FLNC: variants seen among roughly 807,000 people sequenced by gnomAD.
FLNC encodes filamin C.
In FLNC, 91 loss-of-function variants were observed where a neutral mutation model predicts 254.3. The ratio of observed to expected loss-of-function variants is 0.36; its 90% CI spans 0.30 to 0.43. The LOEUF is 0.43. Ranked by LOEUF, FLNC falls within the 20% of genes least tolerant of loss-of-function variation. The pLI, the probability that FLNC is intolerant of heterozygous loss-of-function variation, is 1.00. For synonymous variants in FLNC, 1,430 were observed against 1,577.2 expected (o/e 0.91, Z 2.21); for missense variants, 2,853 against 3,802.6 (o/e 0.75, Z 6.57).
chr7:128,842,103 A>T lies in FLNC; in HGVS notation c.2122-128A>T. On this transcript the variant is annotated intron_variant, in intron 13 of 47. Coordinates refer to ENST00000325888, the MANE Select transcript of FLNC (RefSeq NM_001458.5). The surrounding 1 kb of genome is among the most constrained non-coding windows in gnomAD (Gnocchi z 5.4). ...CGTGGCCCTGGGCTCTGGTGGCCTCAGTGGCTGGTGTGGGGGCGGGAGTGC... is the reference window on the plus strand; with the variant it reads ...CGTGGCCCTGGGCTCTGGTGGCCTCTGTGGCTGGTGTGGGGGCGGGAGTGC... 1 of 967,552 alleles carries T rather than the reference A, an allele frequency of 1.0e-6. No homozygotes were observed. Among genetic ancestry groups the T allele is most frequent in the Non-Finnish European group, 1.6e-6 (1 of 633,274 alleles). 59.9% of individuals were successfully genotyped at this position (967,552 alleles called of 1,614,324 possible).
Position 128,835,696 on chromosome 7 carries a change from C to G in FLNC, c.601+122C>G, listed in dbSNP as rs970574300. ...CCCTGGGGCCTGGGGGCCAGGATCC[C>G]CTGCAGGGTTTGTCCTCCTCCAGCT... On this transcript the variant is annotated intron_variant, in intron 2 of 47. Transcript: ENST00000325888. This position sits in a 1 kb window ranked among gnomAD's most constrained non-coding sequence, Gnocchi z 5.3. 8.7e-7 allele frequency: 1 copy of G among 1,147,760 alleles called. No individual in the cohort carries two copies. Among genetic ancestry groups the G allele is most frequent in the Non-Finnish European group, 1.3e-6 (1 of 794,434 alleles). 71.1% of individuals were successfully genotyped at this position (1,147,760 alleles called of 1,614,324 possible).
Position 128,851,507 on chromosome 7 carries a change from G to A in FLNC, c.5721G>A (p.Lys1907=). 1.2e-6 allele frequency: 2 copies of A among 1,614,038 alleles called. No individual in the cohort carries two copies. Among genetic ancestry groups the A allele is most frequent in the South Asian group, 1.1e-5 (1 of 91,086 alleles). Residue 1907 remains lysine, a synonymous_variant, in exon 35 of 48, where the codon AAG becomes AAA. Transcript: ENST00000325888. ...CATCCAAGGCAGAGATCACCTGTAA[G>A]GACAACAAGGATGGCACCTGCACCG... The part of the protein sequence containing the change: ...EGPSKAEITC[K]DNKDGTCTVS...
At chr7:128,838,926 C>A in intron 8 of FLNC, 123 bp downstream of exon 8, 1 of 844,534 alleles carries the variant, frequency 1.2e-6, no homozygotes, top group Non-Finnish European at 1.9e-6. Flanking sequence ...CATCCCACCC[C>A]CAAGGTGGCT....
chr7:128,857,214 G>A lies in FLNC; in HGVS notation c.7658G>A (p.Arg2553Gln), dbSNP rs375213102. Reference protein sequence around the residue: ...DGPSKVQLDCRECPEGHVVTY... With the variant: ...DGPSKVQLDCQECPEGHVVTY... ...CCCTCCAAGGTGCAGCTGGACTGTCGGGAGTGTCCTGAGGGCCATGTGGTC... is the reference window on the plus strand; with the variant it reads ...CCCTCCAAGGTGCAGCTGGACTGTCAGGAGTGTCCTGAGGGCCATGTGGTC... The change falls in exon 46 of 48, where the codon CGG becomes CAG. Residue 2553 changes from arginine to glutamine, a missense_variant. By Grantham distance (43) the Arg-to-Gln change is conservative. Around this residue, in one of 10 missense-constraint regions of FLNC, gnomAD observed 197 missense variants for 351.5 expected, o/e 0.56. Coordinates refer to ENST00000325888, the MANE Select transcript of FLNC (RefSeq NM_001458.5). The surrounding 1 kb of genome is among the most constrained non-coding windows in gnomAD (Gnocchi z 4.5). 19 of 1,613,914 alleles carry A rather than the reference G, an allele frequency of 1.2e-5. No individual in the cohort carries two copies. The highest frequency in any genetic ancestry group is 6.7e-5 in the East Asian group (3 of 44,892).
chr7:128,850,764 G>C, intron 32 of FLNC, 39 bp from the exon 33 acceptor site: 1 of 1,613,228 alleles, frequency 6.2e-7, no homozygotes, highest in Non-Finnish European at 8.5e-7. Flanking sequence ...TTGCAGTGGG[G>C]GAAACCAGGG....
chr7:128,839,910 CG>C lies in FLNC; in HGVS notation c.1412-112del. 2 of 1,368,328 alleles carry C rather than the reference CG, an allele frequency of 1.5e-6. 1 individual carries two copies. Among genetic ancestry groups the C allele is most frequent in the South Asian group, 2.4e-5 (2 of 82,904 alleles). The allele number at this position is 1,368,328 out of a possible 1,614,324, so 84.8% of individuals were successfully genotyped here. A position where few individuals can be genotyped will look rare whatever the true frequency, so the allele number is the denominator to read the frequency against. On this transcript the variant is annotated intron_variant, in intron 8 of 47. Transcript: ENST00000325888. Reference sequence around the variant, plus strand: ...GACACAAAGGGCTCCAGAGCAGGGCCGTGGGCCACTGCCTGTGCCTGGGAGG... The same window carrying C: ...GACACAAAGGGCTCCAGAGCAGGGCCTGGGCCACTGCCTGTGCCTGGGAGG...
In FLNC at chr7:128,850,010, C is replaced by A; in HGVS notation, c.5234C>A (p.Ser1745Tyr). The A allele has an allele frequency of 2.5e-6, 4 of 1,579,264 alleles. No homozygotes were observed. Among genetic ancestry groups the A allele is most frequent in the Non-Finnish European group, 3.4e-6 (4 of 1,168,468 alleles). The change falls in exon 31 of 48, where the codon TCT (serine) becomes TAT (tyrosine). Residue 1745 changes from serine to tyrosine, a missense_variant. Ser to Tyr is a moderately radical substitution (Grantham distance 144, BLOSUM62 -2). Transcript: ENST00000325888. ...CDPLPHEEEP[S>Y]EVPQLRQPYA... Reference sequence around the variant, plus strand: ...CCCCTGCCGCACGAGGAGGAGCCCTCTGAAGTGCCACAGCTGCGCCAGCCC... The same window carrying A: ...CCCCTGCCGCACGAGGAGGAGCCCTATGAAGTGCCACAGCTGCGCCAGCCC...
At chr7:128,831,045 C>CA (rs896079220) in intron 1 of FLNC, 56 bp downstream of exon 1, 1 of 1,541,252 alleles carries the variant, frequency 6.5e-7, no homozygotes, top group Non-Finnish European at 8.8e-7. Flanking sequence ...TCCCATGGGG[C>CA]AGGGGCACAG....
At chr7:128,854,735 G>A in intron 41 of FLNC, 40 bp from the exon 42 acceptor site, 8 of 1,613,396 alleles carry the variant, frequency 5.0e-6, no homozygotes, top group Non-Finnish European at 6.8e-6. Context: ...CCAGTGTGAG[G>A]GGCGATGATG....
chr7:128,838,425 T>G lies in FLNC; in HGVS notation c.1206T>G (p.Thr402=), dbSNP rs757898362. 3.2e-6 allele frequency: 5 copies of G among 1,572,076 alleles called. No homozygotes were observed. Among genetic ancestry groups the G allele is most frequent in the Admixed American group, 3.4e-5 (2 of 58,346 alleles). ...AACCCACCTACTTTGACATCTACAC[T>G]GCGGGTAGGACGGGCCCCAGGGGGT... ...ANKPTYFDIY[T]AGAGTGDVAV... Residue 402 remains threonine, a synonymous_variant, in exon 7 of 48, where the codon ACT becomes ACG. Coordinates refer to ENST00000325888, the MANE Select transcript of FLNC (RefSeq NM_001458.5).
At position 128,858,576 on chromosome 7, in the gene FLNC, T is replaced by TACACAC. The variant is rs60473969; in HGVS notation, c.*71_*76dup. 1,427 of 999,060 alleles carry TACACAC rather than the reference T, an allele frequency of 1.4e-3. 10 individuals carry two copies. In the African/African-American group the frequency reaches 0.021, roughly 15 times the overall value. The allele number at this position is 999,060 out of a possible 1,614,324, so 61.9% of individuals were successfully genotyped here. A position where few individuals can be genotyped will look rare whatever the true frequency, so the allele number is the denominator to read the frequency against. On this transcript the variant is annotated 3_prime_UTR_variant, in exon 48 of 48. Transcript: ENST00000325888. This position sits in a 1 kb window ranked among gnomAD's most constrained non-coding sequence, Gnocchi z 6.7. ...CCCCCACCTCCAGCCACACACACATTACACACACACACACACACACACAAA... is the reference window on the plus strand; with the variant it reads ...CCCCCACCTCCAGCCACACACACATTACACACACACACACACACACACACACACAAA...
rs767691386 is a variant in FLNC, at chr7:128,854,459, G to C, written c.6774G>C (p.Ser2258=). The change falls in exon 41 of 48, where the codon TCG becomes TCC. Residue 2258 remains serine (S), a synonymous_variant. Transcript: ENST00000325888. Reference sequence around the variant, plus strand: ...TGACTGCACAGGTGACCAGCCCATCGGGCAAGGTGGAAGCCGCAGAGATCG... The same window carrying C: ...TGACTGCACAGGTGACCAGCCCATCCGGCAAGGTGGAAGCCGCAGAGATCG... ...QDMTAQVTSP[S]GKVEAAEIVE... 1.2e-6 allele frequency: 2 copies of C among 1,609,234 alleles called. No individual in the cohort carries two copies. Among genetic ancestry groups the C allele is most frequent in the Non-Finnish European group, 1.7e-6 (2 of 1,178,412 alleles).
intron 37 of FLNC, 84 bp downstream of exon 37, chr7:128,853,115 C>G: frequency 4.5e-6 from 6 of 1,333,976 alleles, no homozygotes; most frequent in Non-Finnish European, 6.4e-6. Context: ...CCCCCTTGGC[C>G]GCACTCTCTC....
chr7:128,848,846 G>A lies in FLNC; in HGVS notation c.4791G>A (p.Thr1597=), dbSNP rs374180766. 12 of 1,614,116 alleles carry A rather than the reference G, an allele frequency of 7.4e-6. No individual in the cohort carries two copies. The highest frequency in any genetic ancestry group is 9.3e-6 in the Non-Finnish European group (11 of 1,180,018). The change falls in exon 28 of 48, where the codon ACG becomes ACA. Residue 1597 remains threonine (T), a synonymous_variant. Coordinates refer to ENST00000325888, the MANE Select transcript of FLNC (RefSeq NM_001458.5). The part of the protein sequence containing the change: ...KANIRDNGDG[T]YTVSYLPDMS... Reference sequence around the variant, plus strand: ...ACATCCGGGACAATGGGGATGGCACGTACACTGTGTCCTACCTGCCGGACA... The same window carrying A: ...ACATCCGGGACAATGGGGATGGCACATACACTGTGTCCTACCTGCCGGACA...
intron 37 of FLNC, chr7:128,853,247 C>G (rs1808900439): frequency 4.3e-6 from 3 of 705,552 alleles, no homozygotes; most frequent in Non-Finnish European, 7.3e-6. Flanking sequence ...TCCTGAGTTT[C>G]TGTCCCTCCC....
In FLNC at chr7:128,840,683, C is replaced by G. The variant is rs568005957; in HGVS notation, c.1676+9C>G. ...TACGCCATCCCTCGCAGGTGAGTAC[C>G]TTGCGCCCCCCATGCTGTCCTGTCT... On this transcript the variant is annotated intron_variant, in intron 10 of 47. Transcript: ENST00000325888. 3.1e-6 allele frequency: 5 copies of G among 1,612,878 alleles called. No homozygotes were observed. The highest frequency in any genetic ancestry group is 2.2e-5 in the South Asian group (2 of 91,056).
intron 6 of FLNC, 60 bp from the exon 7 acceptor site, chr7:128,838,207 C>T (rs889317022): frequency 1.9e-6 from 3 of 1,572,590 alleles, no homozygotes; most frequent in East Asian, 2.2e-5. Flanking sequence ...GGCTGTGCCC[C>T]TCTGCCCCCT....
chr7:128,854,256 G>C (rs372436768), intron 40 of FLNC, 40 bp downstream of exon 40: 4 of 1,603,988 alleles, frequency 2.5e-6, no homozygotes, highest in African/African-American at 1.3e-5. Flanking sequence ...CCTCACGGCG[G>C]GATGGGAGGG....
At position 128,842,216 on chromosome 7, in the gene FLNC, G is replaced by A; in HGVS notation, c.2122-15G>A. 6.2e-7 allele frequency: 1 copy of A among 1,613,356 alleles called. No individual in the cohort carries two copies. Among genetic ancestry groups the A allele is most frequent in the Non-Finnish European group, 8.5e-7 (1 of 1,179,840 alleles). ...GAGGCCACAGCTATGAACTTTGCTT[G>A]GGTGATGCCCACAGGACGCCGACGG... On this transcript the variant is annotated splice_polypyrimidine_tract_variant and intron_variant, in intron 13 of 47. Coordinates refer to ENST00000325888, the MANE Select transcript of FLNC (RefSeq NM_001458.5). The surrounding 1 kb of genome is among the most constrained non-coding windows in gnomAD (Gnocchi z 5.4).
Sources: gnomAD v4.1 joint callset for allele counts on GRCh38, gnomAD v4.1.1 for gene constraint, gnomAD v4.1.1 regional missense constraint, Gnocchi (gnomAD v3.1) non-coding constraint, MANE v1.5 for transcripts, NCBI Gene and HGNC (gene_info 2026-07-23, HGNC 2026-07-21) for gene names.